Variants in PRKDC observed in about 807,000 individuals in gnomAD.
PRKDC encodes DNA-dependent protein kinase catalytic subunit.
In PRKDC, 82 loss-of-function variants were observed where a neutral mutation model predicts 486.9. That is an observed-to-expected ratio of 0.17 (90% CI 0.14 to 0.20). The LOEUF is 0.20. Ranked by LOEUF, PRKDC falls within the 10% of genes least tolerant of loss-of-function variation. The probability of loss-of-function intolerance (pLI) is 1.00; values close to 1 mark genes in which losing one functional copy is unlikely to be tolerated. For missense variants in PRKDC, 4,504 were observed against 5,038.2 expected (o/e 0.89, Z 3.21); for synonymous variants, 1,895 against 1,837.0 (o/e 1.03, Z -0.81).
In PRKDC at chr8:47,910,108, G is replaced by A. The variant is rs566352248; in HGVS notation, c.2934+2302C>T. 2.0e-5 allele frequency among the ~76,000 whole-genome samples: 3 copies of A among 152,110 alleles called. No homozygotes were observed. In the South Asian group the frequency reaches 6.2e-4, roughly 32 times the overall value. On this transcript the variant is annotated intron_variant, in intron 25 of 85. Transcript: ENST00000314191. ...TCCCGGGTGTAACATTTCTCTCTTT[G>A]TACTCTTTCTCTTTATTTCTCAGAC... is the stretch of plus-strand genomic sequence containing the variant.
intron 7 of PRKDC, among the ~76,000 whole-genome samples, chr8:47,945,757 T>C (rs1424936539): frequency 6.6e-6 from 1 of 152,138 alleles, no homozygotes; most frequent in Non-Finnish European, 1.5e-5. Context: ...AGTTTCACTC[T>C]ATCACCCAGG....
At chr8:47,836,239 C>T in intron 58 of PRKDC, 99 bp downstream of exon 58, 1 of 1,198,946 alleles carries the variant, frequency 8.3e-7, no homozygotes, top group South Asian at 2.9e-5. Flanking sequence ...TTGCTATTAT[C>T]CCTTACTTCT....
rs1353206478 is a variant in PRKDC at position 47,778,420 on chromosome 8, C to T, written c.11853+39G>A. The T allele has an allele frequency of 3.1e-6, 5 of 1,588,632 alleles. No individual in the cohort carries two copies. The African/African-American group carries it at 4.0e-5, about 13-fold the overall frequency. ...GGTTGTTGAAAGTCCTATGATGACTCTCGCCTTGCCCAGGATCACGAGAGC... is the reference window on the plus strand; with the variant it reads ...GGTTGTTGAAAGTCCTATGATGACTTTCGCCTTGCCCAGGATCACGAGAGC... On this transcript the variant is annotated intron_variant, in intron 83 of 85. Transcript: ENST00000314191.
chr8:47,930,182 T>G (rs2090226712), intron 17 of PRKDC, among the ~76,000 whole-genome samples, 170 bp from the exon 18 acceptor site: 1 of 152,238 alleles, frequency 6.6e-6, no homozygotes. Context: ...GAGGATCTTT[T>G]AAATATAAAA....
At chr8:47,860,562 T>A (rs1171581695) in intron 45 of PRKDC, among the ~76,000 whole-genome samples, 1 of 152,238 alleles carries the variant, frequency 6.6e-6, no homozygotes, top group Non-Finnish European at 1.5e-5. Flanking sequence ...TGTAGACTTC[T>A]GAATGTATCT....
rs1166395411 is a variant in PRKDC at position 47,858,594 on chromosome 8, G to A, written c.6387C>T (p.Leu2129=). The A allele has an allele frequency of 6.4e-7, 1 of 1,558,270 alleles. No individual in the cohort carries two copies. The highest frequency in any genetic ancestry group is 2.1e-5 in the Admixed American group (1 of 48,592). Residue 2129 remains leucine (L), a synonymous_variant, in exon 48 of 86, where the codon CTC becomes CTT. Transcript: ENST00000314191. Reference sequence around the variant, plus strand: ...CTATTGGATTTCCCAGTTTGCCATGGAGGAATTTCATCCAAGAAGGAAGAT... The same window carrying A: ...CTATTGGATTTCCCAGTTTGCCATGAAGGAATTTCATCCAAGAAGGAAGAT... The part of the protein sequence containing the change: ...PRDLPSWMKF[L]HGKLGNPIVP...
At chr8:47,816,893 C>T (rs541721623) in intron 68 of PRKDC, among the ~76,000 whole-genome samples, 5 of 151,702 alleles carry the variant, frequency 3.3e-5, no homozygotes, top group Middle Eastern at 3.5e-3. Context: ...TCCTTAAGTC[C>T]TATTTCCTAC....
At chr8:47,927,519 G>A (rs1401756165) in intron 20 of PRKDC, among the ~76,000 whole-genome samples, 166 bp from the exon 21 acceptor site, 1 of 152,204 alleles carries the variant, frequency 6.6e-6, no homozygotes, top group East Asian at 1.9e-4. Flanking sequence ...GCAAGCAGCT[G>A]TCTCTGTGGC....
chr8:47,788,209 C>T (rs8178233), intron 76 of PRKDC, among the ~76,000 whole-genome samples: 4 of 152,262 alleles, frequency 2.6e-5, no homozygotes, highest in East Asian at 1.9e-4. Context: ...GAGATCCCTG[C>T]GTGGGGAGGG....
At chr8:47,885,639 T>C (rs1589765348) in intron 36 of PRKDC, among the ~76,000 whole-genome samples, 1 of 150,534 alleles carries the variant, frequency 6.6e-6, no homozygotes, top group East Asian at 2.0e-4. Context: ...ACGCCTGTAA[T>C]CCCAGCACTT....
chr8:47,945,037 G>A (rs190989571), intron 7 of PRKDC, among the ~76,000 whole-genome samples: 5 of 152,326 alleles, frequency 3.3e-5, no homozygotes, highest in Non-Finnish European at 5.9e-5. Flanking sequence ...ATAGGTACTA[G>A]TTGGGGAAAA....
chr8:47,779,462 G>A, intron 80 of PRKDC: 1 of 167,780 alleles, frequency 6.0e-6, no homozygotes, highest in South Asian at 1.7e-4. Context: ...CATAGCAAGA[G>A]GGCGACAGCA....
chr8:47,883,738 TCA>T (rs2089271607), intron 36 of PRKDC, among the ~76,000 whole-genome samples: 1 of 152,264 alleles, frequency 6.6e-6, no homozygotes, highest in Non-Finnish European at 1.5e-5. Flanking sequence ...AATTCTTATT[TCA>T]CAGTTTTGTC....
At chr8:47,920,131 A>G (rs1297626336) in intron 21 of PRKDC, among the ~76,000 whole-genome samples, 1 of 152,198 alleles carries the variant, frequency 6.6e-6, no homozygotes, top group East Asian at 1.9e-4. Flanking sequence ...GATGCTTATC[A>G]CTGGCTTGCT....
In PRKDC at chr8:47,776,963, C is replaced by T. The variant is rs747125508; in HGVS notation, c.12063G>A (p.Leu4021=). The change falls in exon 85 of 86, where the codon CTG becomes CTA. Residue 4021 remains leucine, a synonymous_variant. Transcript: ENST00000314191. ...CTTGAATCCATGACCCTCCTTTTTT[C>T]AGCATTTTCTGTTCAAAATTCTAGA... The part of the protein sequence containing the change: ...FDWKNFEQKM[L]KKGGSWIQEI... 9 of 1,609,570 alleles carry T rather than the reference C, an allele frequency of 5.6e-6. No individual in the cohort carries two copies. The highest frequency in any genetic ancestry group is 6.8e-6 in the Non-Finnish European group (8 of 1,178,974).
intron 52 of PRKDC, among the ~76,000 whole-genome samples, chr8:47,850,748 G>A (rs1490757582): frequency 6.6e-6 from 1 of 152,214 alleles, no homozygotes. Flanking sequence ...AAGAACAGTG[G>A]AGCTGTGTGC....
chr8:47,858,209 T>C (rs866926846), intron 48 of PRKDC, among the ~76,000 whole-genome samples: 14 of 148,960 alleles, frequency 9.4e-5, no homozygotes, highest in African/African-American at 3.2e-4. Context: ...TTTTTTTTCC[T>C]ACTATAAGGA....
intron 77 of PRKDC, 141 bp downstream of exon 77, chr8:47,784,972 A>G: frequency 1.2e-6 from 1 of 812,918 alleles, no homozygotes; most frequent in Admixed American, 2.8e-5. Context: ...CTAATGATGA[A>G]AAATTCGGTG....
chr8:47,872,411 G>A (rs2088974548), intron 40 of PRKDC, among the ~76,000 whole-genome samples: 2 of 151,052 alleles, frequency 1.3e-5, no homozygotes, highest in African/African-American at 4.9e-5. Context: ...ATAACAAATG[G>A]TAGAAGTCCA....
Sources: gnomAD v4.1 joint callset for allele counts (sites outside exome capture counted in the v4.1 genomes callset) on GRCh38, gnomAD v4.1.1 for gene constraint, MANE v1.5 for transcripts, NCBI Gene and HGNC (gene_info 2026-07-23, HGNC 2026-07-21) for gene names.